Variants in LARP1B observed in about 807,000 individuals in gnomAD.
LARP1B encodes la-related protein 1B.
LARP1B carries 76 observed loss-of-function variants against 114.2 expected under a neutral mutation model. The ratio of observed to expected loss-of-function variants is 0.67; its 90% CI spans 0.55 to 0.81. LARP1B has a LOEUF of 0.81. Among genes scored for constraint, LARP1B ranks in the 30% least tolerant of loss-of-function variants. LARP1B has a pLI of 0.00. For synonymous variants in LARP1B, 345 were observed against 348.0 expected, an observed-to-expected ratio of 0.99 and a Z score of 0.10; for missense variants, 1,014 against 1,075.8, an observed-to-expected ratio of 0.94 and a Z score of 0.80.
In LARP1B at chr4:128,176,905, A is replaced by G. The variant is rs147644058; in HGVS notation, c.1682A>G (p.Lys561Arg). Residue 561 changes from lysine to arginine, a missense_variant and splice_region_variant, in exon 13 of 20, where the codon AAA (lysine) becomes AGA (arginine). Transcript: ENST00000326639. ...GVQGVLHIPK[K>R]DLTDELAQKL... Reference sequence around the variant, plus strand: ...CAAGGAGTGCTTCACATTCCCAAGAAAGGTAACATCTGTGGTGGGTATTAA... The same window carrying G: ...CAAGGAGTGCTTCACATTCCCAAGAGAGGTAACATCTGTGGTGGGTATTAA... 6.2e-7 allele frequency: 1 copy of G among 1,613,754 alleles called. No homozygotes were observed. Among genetic ancestry groups the G allele is most frequent in the African/African-American group, 1.3e-5 (1 of 74,942 alleles).
At chr4:128,073,585 T>TTG (rs1561056752) in intron 1 of LARP1B, among the ~76,000 whole-genome samples, 8 of 26,986 alleles carry the variant, frequency 3.0e-4, no homozygotes, top group African/African-American at 1.0e-3. Flanking sequence ...TTTTTTTTTT[T>TTG]TTTTTTTTTT....
chr4:128,206,858 A>C (rs560617722), intron 18 of LARP1B: 7 of 984,728 alleles, frequency 7.1e-6, no homozygotes, highest in Admixed American at 1.2e-4. Flanking sequence ...TTGGAAAGGC[A>C]GAAATAGCAC....
intron 7 of LARP1B, among the ~76,000 whole-genome samples, chr4:128,094,637 G>A (rs1341118323): frequency 6.6e-6 from 1 of 151,868 alleles, no homozygotes; most frequent in Non-Finnish European, 1.5e-5. Flanking sequence ...GAATGCCTGA[G>A]CTCAAAGTGC....
intron 15 of LARP1B, among the ~76,000 whole-genome samples, chr4:128,180,236 G>A (rs1053962001): frequency 6.6e-6 from 1 of 152,088 alleles, no homozygotes. Flanking sequence ...ACAGGCATGA[G>A]CCACCTCACC....
intron 16 of LARP1B, 106 bp from the exon 17 acceptor site, chr4:128,200,415 T>C: frequency 2.7e-6 from 2 of 745,522 alleles, no homozygotes; most frequent in Non-Finnish European, 4.1e-6. Context: ...TAAATACACT[T>C]TGAGGATTAA....
intron 1 of LARP1B, among the ~76,000 whole-genome samples, chr4:128,064,142 C>G (rs1201567540): frequency 6.6e-6 from 1 of 151,730 alleles, no homozygotes; most frequent in African/African-American, 2.4e-5. Context: ...TATGGTGGTG[C>G]GTGCCTGTAA....
intron 12 of LARP1B, among the ~76,000 whole-genome samples, chr4:128,176,168 T>C (rs1377272742): frequency 7.4e-6 from 1 of 134,788 alleles, no homozygotes; most frequent in African/African-American, 2.6e-5. Context: ...TAAATATATA[T>C]ATTATATATA....
Position 128,091,093 on chromosome 4 carries a change from C to CGAGGAAGAGGCCGAGGACGGGGAA in LARP1B, c.457_480dup (p.Arg157_Gly164dup). The stretch of plus-strand genomic sequence containing the variant: ...TAATATCCGAGGTTCCTTTAGAGGT[C>CGAGGAAGAGGCCGAGGACGGGGAA]GAGGAAGAGGCCGAGGACGGGGAAG... On this transcript the variant is annotated inframe_insertion, in exon 6 of 20. Transcript: ENST00000326639. 6.2e-7 allele frequency: 1 copy of CGAGGAAGAGGCCGAGGACGGGGAA among 1,613,490 alleles called. No individual in the cohort carries two copies.
At chr4:128,081,724 T>C (rs182493283) in intron 4 of LARP1B, among the ~76,000 whole-genome samples, 104 of 152,290 alleles carry the variant, frequency 6.8e-4, no homozygotes, top group African/African-American at 2.2e-3. Flanking sequence ...GGGGGTTCTG[T>C]AGGCAAATTT....
chr4:128,160,074 C>T (rs979467725), intron 11 of LARP1B, among the ~76,000 whole-genome samples: 1 of 152,164 alleles, frequency 6.6e-6, no homozygotes, highest in Non-Finnish European at 1.5e-5. Flanking sequence ...GTGGGTCATA[C>T]GTTGTCTGTG....
intron 11 of LARP1B, among the ~76,000 whole-genome samples, chr4:128,131,147 C>T (rs1222899057): frequency 1.3e-5 from 2 of 152,086 alleles, no homozygotes; most frequent in South Asian, 2.1e-4. Flanking sequence ...ATGTACAGGA[C>T]AATTTTGATA....
At position 128,091,482 on chromosome 4, in the gene LARP1B, C is replaced by T. The variant is rs770104246; in HGVS notation, c.638C>T (p.Ala213Val). 1.9e-6 allele frequency: 3 copies of T among 1,609,522 alleles called. No individual in the cohort carries two copies. Among genetic ancestry groups the T allele is most frequent in the South Asian group, 1.1e-5 (1 of 89,652 alleles). Reference protein sequence around the residue: ...TGVQVYPVEEALLKEYIKRQI... With the variant: ...TGVQVYPVEEVLLKEYIKRQI... ...GTACAGGTGTATCCTGTGGAAGAAG[C>T]ATTGCTTAAAGAGTATATTAAGCGT... is the stretch of plus-strand genomic sequence containing the variant. Residue 213 changes from alanine to valine, a missense_variant, in exon 7 of 20, where the codon GCA becomes GTA. Physicochemically the swap from Ala to Val is moderately conservative, Grantham distance 64. Transcript: ENST00000326639.
intron 12 of LARP1B, among the ~76,000 whole-genome samples, chr4:128,166,616 A>G (rs1740927590): frequency 6.6e-6 from 1 of 151,812 alleles, no homozygotes; most frequent in Non-Finnish European, 1.5e-5. Context: ...CAAAAATACC[A>G]AATATAATAT....
chr4:128,069,630 C>A, intron 1 of LARP1B: 1 of 646,678 alleles, frequency 1.5e-6, no homozygotes. Flanking sequence ...TACCTGATGG[C>A]TGCTGCTAGA....
At chr4:128,199,073 A>G (rs192709215) in intron 15 of LARP1B, among the ~76,000 whole-genome samples, 3 of 152,304 alleles carry the variant, frequency 2.0e-5, no homozygotes, top group Admixed American at 6.5e-5. Context: ...CATGTATTCA[A>G]TTTACATCAC....
intron 10 of LARP1B, among the ~76,000 whole-genome samples, chr4:128,120,499 A>G (rs892477288): frequency 1.4e-5 from 2 of 146,284 alleles, no homozygotes; most frequent in Non-Finnish European, 3.0e-5. Context: ...CCCAGGCTGG[A>G]GTACAGTGGC....
intron 5 of LARP1B, among the ~76,000 whole-genome samples, chr4:128,083,803 ACCCCCCCACCTCCCTCCCGGACGG>A (rs1771954442): frequency 2.4e-5 from 3 of 126,662 alleles, no homozygotes; most frequent in Admixed American, 7.9e-5. Flanking sequence ...CGGGGGGCTG[ACCCCCCCACCTCCCTCCCGGACGG>A]GGCGGCTGCC....
rs143189581 is a variant in LARP1B at position 128,181,560 on chromosome 4, T to C, written c.2003+2048T>C. Among the ~76,000 whole-genome samples, 633 of 152,318 alleles carry C rather than the reference T, an allele frequency of 4.2e-3. 1 individual carries two copies. Among genetic ancestry groups the C allele is most frequent in the Non-Finnish European group, 6.9e-3 (470 of 68,016 alleles). ...TTTTATAATGATCCTATTTTATCTC[T>C]ACTATTGACTTATTAGTTATGTCTC... is the stretch of plus-strand genomic sequence containing the variant. On this transcript the variant is annotated intron_variant, in intron 15 of 19. Coordinates refer to ENST00000326639, the MANE Select transcript of LARP1B (RefSeq NM_018078.4).
chr4:128,097,638 C>T (rs1427920245), intron 7 of LARP1B, among the ~76,000 whole-genome samples: 2 of 152,144 alleles, frequency 1.3e-5, no homozygotes, highest in Admixed American at 1.3e-4. Flanking sequence ...AAGAATTGTG[C>T]TGGTTACTAG....
Sources: allele counts gnomAD v4.1 joint callset (sites outside exome capture counted in the v4.1 genomes callset), GRCh38; gene constraint gnomAD v4.1.1; transcripts MANE v1.5; gene names NCBI Gene and HGNC (gene_info 2026-07-23, HGNC 2026-07-21).